The following RAB4A variants were observed in gnomAD, a reference collection of about 807,000 sequenced individuals.
RAB4A encodes RAB4A, member RAS oncogene family.
RAB4A carries 20 observed loss-of-function variants against 34.5 expected under a neutral mutation model. The observed-to-expected ratio is 0.58, with a 90% CI of 0.41 to 0.84. The LOEUF (loss-of-function observed/expected upper bound fraction) is 0.84. RAB4A is among the 40% of genes least tolerant of loss of function. The pLI is 0.00. For synonymous variants in RAB4A, 102 were observed against 100.0 expected, an observed-to-expected ratio of 1.02 and a Z score of -0.12; for missense variants, 228 against 274.5, an observed-to-expected ratio of 0.83 and a Z score of 1.20.
intron 3 of RAB4A, among the ~76,000 whole-genome samples, chr1:229,293,001 A>G (rs1657135015): frequency 6.6e-6 from 1 of 152,140 alleles, no homozygotes. Context: ...CCAAATACAG[A>G]TCTGGCAGTT....
chr1:229,292,336 G>T lies in RAB4A; in HGVS notation c.227+3493G>T, dbSNP rs145211625. Among the ~76,000 whole-genome samples, 249 of 152,300 alleles carry T rather than the reference G, an allele frequency of 1.6e-3. 3 individuals are homozygous for T. The highest frequency in any genetic ancestry group is 5.8e-3 in the African/African-American group (241 of 41,562). On this transcript the variant is annotated intron_variant, in intron 3 of 7. Transcript: ENST00000366690. ...ATAAGAAACTATTTGTCAAGACAGTGTTGTAAAATAAATTTGAAAGTAAAA... is the reference window on the plus strand; with the variant it reads ...ATAAGAAACTATTTGTCAAGACAGTTTTGTAAAATAAATTTGAAAGTAAAA...
chr1:229,272,953 G>A (rs1656534914), intron 1 of RAB4A, among the ~76,000 whole-genome samples: 1 of 152,248 alleles, frequency 6.6e-6, no homozygotes, highest in Admixed American at 6.5e-5. Flanking sequence ...GCAAATGGCA[G>A]TGGTCTGGTT....
chr1:229,303,020 C>A (rs1657458358), intron 7 of RAB4A, 31 bp downstream of exon 7: 2 of 1,494,392 alleles, frequency 1.3e-6, no homozygotes, highest in African/African-American at 1.4e-5. Context: ...GCCCTGAGTT[C>A]CTGGCAAGCT....
intron 1 of RAB4A, among the ~76,000 whole-genome samples, chr1:229,280,385 T>C (rs1382904370): frequency 1.3e-5 from 2 of 152,192 alleles, no homozygotes; most frequent in East Asian, 3.8e-4. Context: ...TTTATCTGCG[T>C]TATCTAAATA....
chr1:229,285,057 T>G (rs1295653244), intron 1 of RAB4A, among the ~76,000 whole-genome samples: 5 of 152,156 alleles, frequency 3.3e-5, no homozygotes, highest in Non-Finnish European at 7.4e-5. Flanking sequence ...CAAGCTGGGG[T>G]GTGGTGGCAC....
At position 229,295,870 on chromosome 1, in the gene RAB4A, C is replaced by G; in HGVS notation, c.250C>G (p.Arg84Gly). ...CAGGTCCGTGACGAGAAGTTATTAC[C>G]GAGGCGCGGCCGGGGCTCTCCTCGT... ...RFRSVTRSYY[R>G]GAAGALLVYD... Residue 84 changes from arginine to glycine, a missense_variant, in exon 4 of 8, where the codon CGA becomes GGA. Coordinates refer to ENST00000366690, the MANE Select transcript of RAB4A (RefSeq NM_004578.4). The G allele has an allele frequency of 6.2e-7, 1 of 1,613,960 alleles. No homozygotes were observed. Among genetic ancestry groups the G allele is most frequent in the Non-Finnish European group, 8.5e-7 (1 of 1,179,958 alleles).
chr1:229,300,910 G>A (rs1309957580), intron 6 of RAB4A, among the ~76,000 whole-genome samples: 1 of 152,168 alleles, frequency 6.6e-6, no homozygotes, highest in Non-Finnish European at 1.5e-5. Context: ...GATGAAAAAG[G>A]AAATGGTCGG....
intron 1 of RAB4A, among the ~76,000 whole-genome samples, chr1:229,277,698 C>T (rs569070531): frequency 2.6e-5 from 4 of 151,174 alleles, no homozygotes; most frequent in African/African-American, 7.4e-5. Context: ...CAACTCCGCT[C>T]CACAGTTCCT....
chr1:229,295,230 G>A (rs1474225725), intron 3 of RAB4A, among the ~76,000 whole-genome samples: 1 of 152,094 alleles, frequency 6.6e-6, no homozygotes, highest in Non-Finnish European at 1.5e-5. Context: ...GGGATTATAG[G>A]TGTCCGGCCA....
intron 4 of RAB4A, among the ~76,000 whole-genome samples, chr1:229,297,176 G>A (rs558325029): frequency 9.8e-5 from 15 of 152,358 alleles, no homozygotes; most frequent in African/African-American, 2.6e-4. Flanking sequence ...AGTGCCTTGC[G>A]CATGCTAAGA....
At chr1:229,294,139 C>T (rs904287972) in intron 3 of RAB4A, among the ~76,000 whole-genome samples, 12 of 152,120 alleles carry the variant, frequency 7.9e-5, no homozygotes, top group Admixed American at 2.0e-4. Flanking sequence ...TAGGCCAGGA[C>T]GGGCCTGGAG....
At chr1:229,284,067 G>A (rs1185068391) in intron 1 of RAB4A, among the ~76,000 whole-genome samples, 1 of 143,322 alleles carries the variant, frequency 7.0e-6, no homozygotes, top group African/African-American at 2.6e-5. Flanking sequence ...TTTCTAGGGT[G>A]GTTTTTTTTG....
chr1:229,302,287 ATATATATATATATATATATATATTT>A (rs1289743384), intron 6 of RAB4A, among the ~76,000 whole-genome samples: 9 of 21,172 alleles, frequency 4.3e-4, no homozygotes, highest in African/African-American at 1.9e-3. Context: ...ATATATATAT[ATATATATATATATATATATATATTT>A]TTTTTTTTTT....
At chr1:229,281,758 C>T (rs1656782530) in intron 1 of RAB4A, among the ~76,000 whole-genome samples, 1 of 150,284 alleles carries the variant, frequency 6.7e-6, no homozygotes, top group Admixed American at 6.7e-5. Context: ...TATCTCTGCT[C>T]ATAGCTTTTT....
intron 1 of RAB4A, among the ~76,000 whole-genome samples, chr1:229,278,456 C>T (rs1656703774): frequency 6.6e-6 from 1 of 152,226 alleles, no homozygotes; most frequent in Non-Finnish European, 1.5e-5. Flanking sequence ...CACACATCTC[C>T]TCAAGCCCAT....
chr1:229,283,475 A>C (rs868262577), intron 1 of RAB4A, among the ~76,000 whole-genome samples: 26 of 152,190 alleles, frequency 1.7e-4, no homozygotes, highest in South Asian at 4.1e-4. Flanking sequence ...TTATTGTGTA[A>C]GAGTTTTCCT....
At chr1:229,295,782 A>G (rs1398827307) in intron 3 of RAB4A, 66 bp from the exon 4 acceptor site, 109 of 1,524,232 alleles carry the variant, frequency 7.2e-5, no homozygotes, top group Non-Finnish European at 9.5e-5. Flanking sequence ...GTGTTTTTTC[A>G]TGGGAAAGTG....
At chr1:229,291,961 G>GC (rs748726217) in intron 3 of RAB4A, among the ~76,000 whole-genome samples, 1 of 150,638 alleles carries the variant, frequency 6.6e-6, no homozygotes, top group Non-Finnish European at 1.5e-5. Context: ...GTAAACTATC[G>GC]CAAGAACAAA....
chr1:229,305,457 T>C lies in RAB4A; in HGVS notation c.*1664T>C. 1.7e-6 allele frequency: 1 copy of C among 599,390 alleles called. No individual in the cohort carries two copies. The highest frequency in any genetic ancestry group is 2.7e-6 in the Non-Finnish European group (1 of 368,844). The allele number at this position is 599,390 out of a possible 1,614,324, so 37.1% of individuals were successfully genotyped here. On this transcript the variant is annotated 3_prime_UTR_variant, in exon 8 of 8. Transcript: ENST00000366690. ...CCTGTTAATTAAACCACAGACACCA[T>C]ATATCCTTCTGCATCCTTTGGCCAA... is the stretch of plus-strand genomic sequence containing the variant.
Sources: gnomAD v4.1 joint callset for allele counts (sites outside exome capture counted in the v4.1 genomes callset) on GRCh38, gnomAD v4.1.1 for gene constraint, MANE v1.5 for transcripts, NCBI Gene and HGNC (gene_info 2026-07-23, HGNC 2026-07-21) for gene names.